IRAK1BP1: variants seen among roughly 807,000 people sequenced by gnomAD.
IRAK1BP1 encodes interleukin 1 receptor associated kinase 1 binding protein 1.
In IRAK1BP1, 24 loss-of-function variants were observed where a neutral mutation model predicts 28.0. That is an observed-to-expected ratio of 0.86 (90% CI 0.62 to 1.20). IRAK1BP1 has a LOEUF of 1.20. Ranked by LOEUF, IRAK1BP1 falls within the 50% of genes most tolerant of loss-of-function variation. The pLI, the probability that IRAK1BP1 is intolerant of heterozygous loss-of-function variation, is 0.00. For synonymous variants in IRAK1BP1, 131 were observed against 116.3 expected, an observed-to-expected ratio of 1.13 and a Z score of -0.81; for missense variants, 336 against 316.7, an observed-to-expected ratio of 1.06 and a Z score of -0.46.
chr6:78,925,241 G>A (rs145279261), intron 4 of IRAK1BP1, among the ~76,000 whole-genome samples: 5 of 151,924 alleles, frequency 3.3e-5, no homozygotes, highest in South Asian at 4.2e-4. Flanking sequence ...TAGTGGGTAC[G>A]GCACACCAAC....
At chr6:78,951,051 T>C (rs1477186721), downstream of IRAK1BP1, among the ~76,000 whole-genome samples, 3 of 152,180 alleles carry the variant, frequency 2.0e-5, no homozygotes, top group Admixed American at 6.5e-5. Flanking sequence ...TTTGTTTTAA[T>C]TGAGTTCAAT....
At chr6:78,978,152 A>AT in the IRAK1BP1 span, among the ~76,000 whole-genome samples, 5 of 152,250 alleles carry the variant, frequency 3.3e-5, no homozygotes, top group Admixed American at 6.5e-5. Flanking sequence ...AAGATTATAG[A>AT]TTTTTTAAAG....
the IRAK1BP1 span, chr6:78,957,765 C>T: frequency 1.2e-4 from 18 of 152,040 alleles, no homozygotes; most frequent in African/African-American, 4.3e-4. Context: ...TCTCTGCCTT[C>T]AACTTAGGAG....
chr6:78,909,116 C>T (rs926186169), intron 4 of IRAK1BP1, among the ~76,000 whole-genome samples: 1 of 152,186 alleles, frequency 6.6e-6, no homozygotes, highest in Non-Finnish European at 1.5e-5. Flanking sequence ...TTTAAGATGG[C>T]GAAGCAAGCA....
At chr6:78,890,277 G>A (rs1482860939) in intron 2 of IRAK1BP1, among the ~76,000 whole-genome samples, 2 of 151,746 alleles carry the variant, frequency 1.3e-5, no homozygotes, top group Non-Finnish European at 2.9e-5. Flanking sequence ...TCAGGGGGTG[G>A]GGGGCTAGGG....
At chr6:78,888,520 A>ATTTT (rs35503114) in intron 2 of IRAK1BP1, among the ~76,000 whole-genome samples, 2 of 143,860 alleles carry the variant, frequency 1.4e-5, no homozygotes, top group Admixed American at 6.9e-5. Flanking sequence ...TACAGCTCCA[A>ATTTT]TTTTTTTTTT....
intron 4 of IRAK1BP1, among the ~76,000 whole-genome samples, chr6:78,930,270 A>G (rs1562102274): frequency 6.6e-6 from 1 of 152,192 alleles, no homozygotes; most frequent in African/African-American, 2.4e-5. Flanking sequence ...CAGCTTGAAC[A>G]TAATTTCAAA....
intron 4 of IRAK1BP1, among the ~76,000 whole-genome samples, chr6:78,918,370 G>A (rs1177057317): frequency 6.6e-6 from 1 of 151,832 alleles, no homozygotes; most frequent in African/African-American, 2.4e-5. Flanking sequence ...AATGCAAATG[G>A]TCTAAATGCC....
chr6:78,899,037 C>T lies in IRAK1BP1; in HGVS notation c.*703C>T, dbSNP rs2127655513. ...GCACATTCTCATTGCTTCCCCTTGT[C>T]CCAGGTCCCATGGGGGCAAAATGAT... On this transcript the variant is annotated 3_prime_UTR_variant, in exon 4 of 4. Transcript: ENST00000369940. The T allele has an allele frequency of 6.6e-6, 1 of 152,282 alleles. No individual in the cohort carries two copies. The highest frequency in any genetic ancestry group is 1.9e-4 in the East Asian group (1 of 5,172). The allele number at this position is 152,282 out of a possible 1,614,324, so 9.4% of individuals were successfully genotyped here. A position where few individuals can be genotyped will look rare whatever the true frequency, so the allele number is the denominator to read the frequency against.
intron 2 of IRAK1BP1, among the ~76,000 whole-genome samples, chr6:78,893,248 G>A (rs537445515): frequency 3.0e-4 from 45 of 149,332 alleles, no homozygotes; most frequent in Non-Finnish European, 6.1e-4. Context: ...AGACAGTTGT[G>A]CCACATCTTT....
At chr6:78,946,366 T>TA in exon 5 of IRAK1BP1, 2 of 1,406,394 alleles carry the variant, frequency 1.4e-6, no homozygotes, top group Non-Finnish European at 1.9e-6. Context: ...TGAAATATGT[T>TA]AAAATATGAG....
rs557359134 is a variant in IRAK1BP1 at position 78,870,930 on chromosome 6, C to T, written c.315+3039C>T. Among the ~76,000 whole-genome samples, 8 of 152,066 alleles carry T rather than the reference C, an allele frequency of 5.3e-5. No homozygotes were observed. The South Asian group carries it at 1.0e-3, about 20-fold the overall frequency. On this transcript the variant is annotated intron_variant, in intron 1 of 3. Transcript: ENST00000369940. ...TTCACTGTGTTGGCCAGGCTGGTCT[C>T]GAACTCCTGACTGATCCCCCACCTC...
At position 78,898,265 on chromosome 6, in the gene IRAK1BP1, A is replaced by G. The variant is rs775684083; in HGVS notation, c.714A>G (p.Ile238Met). 44 of 1,612,320 alleles carry G rather than the reference A, an allele frequency of 2.7e-5. No homozygotes were observed. Among genetic ancestry groups the G allele is most frequent in the Admixed American group, 1.3e-4 (8 of 59,892 alleles). Residue 238 changes from isoleucine (I) to methionine (M), a missense_variant, in exon 4 of 4, where the codon ATA (isoleucine) becomes ATG (methionine). Ile to Met is a conservative substitution (Grantham distance 10, BLOSUM62 1). Coordinates refer to ENST00000369940, the MANE Select transcript of IRAK1BP1 (RefSeq NM_001010844.4). ...AACAAAAAATCAAAAGTGCAACAAT[A>G]CATGCTGCTTCAAAAGTATTTATAA... Reference protein sequence around the residue: ...TVQQKIKSATIHAASKVFITF... With the variant: ...TVQQKIKSATMHAASKVFITF...
In IRAK1BP1 at chr6:78,901,496, A is replaced by G. The variant is rs1349248558; in HGVS notation, c.*3162A>G. 1 of 151,960 alleles carries G rather than the reference A, an allele frequency of 6.6e-6. No homozygotes were observed. Among genetic ancestry groups the G allele is most frequent in the Non-Finnish European group, 1.5e-5 (1 of 67,948 alleles). The allele number at this position is 151,960 out of a possible 1,614,324, so 9.4% of individuals were successfully genotyped here. A position where few individuals can be genotyped will look rare whatever the true frequency, so the allele number is the denominator to read the frequency against. ...CTAGAATAAACCTATCCTAAACTTA[A>G]TCCTGTTAGAATTTCCTTCTTTTGA... On this transcript the variant is annotated 3_prime_UTR_variant, in exon 4 of 4. Transcript: ENST00000369940.
the IRAK1BP1 span, among the ~76,000 whole-genome samples, chr6:78,964,063 T>G: frequency 2.6e-5 from 4 of 152,334 alleles, no homozygotes; most frequent in African/African-American, 9.6e-5. Flanking sequence ...ACCAACTGGC[T>G]GCATTGCTAT....
the IRAK1BP1 span, among the ~76,000 whole-genome samples, chr6:78,953,956 A>G: frequency 2.0e-5 from 3 of 152,182 alleles, no homozygotes; most frequent in African/African-American, 7.2e-5. Context: ...TTAGATTGCT[A>G]TGATTGCACG....
chr6:78,894,242 C>T lies in IRAK1BP1; in HGVS notation c.382-3587C>T, dbSNP rs79066174. Among the ~76,000 whole-genome samples the T allele has an allele frequency of 3.4e-3, 514 of 152,178 alleles. 2 individuals are homozygous for T. The highest frequency in any genetic ancestry group is 0.011 in the African/African-American group (450 of 41,532). ...ACAAGACCACAGGTTTAAATTTACCCATGTCAATAATCACGTTAAATGTAA... is the reference window on the plus strand; with the variant it reads ...ACAAGACCACAGGTTTAAATTTACCTATGTCAATAATCACGTTAAATGTAA... On this transcript the variant is annotated intron_variant, in intron 2 of 3. Transcript: ENST00000369940.
At chr6:78,890,528 C>A (rs1287305932) in intron 2 of IRAK1BP1, among the ~76,000 whole-genome samples, 1 of 151,892 alleles carries the variant, frequency 6.6e-6, no homozygotes, top group African/African-American at 2.4e-5. Flanking sequence ...TTCAGTGGAC[C>A]CAGTGGGTGC....
At chr6:78,925,965 T>C (rs1413685122) in intron 4 of IRAK1BP1, among the ~76,000 whole-genome samples, 1 of 152,036 alleles carries the variant, frequency 6.6e-6, no homozygotes, top group Non-Finnish European at 1.5e-5. Flanking sequence ...TGTGTGTTCT[T>C]ATAAGCGGAA....
Sources: allele counts gnomAD v4.1 joint callset (sites outside exome capture counted in the v4.1 genomes callset), GRCh38; gene constraint gnomAD v4.1.1; transcripts MANE v1.5; gene names NCBI Gene and HGNC (gene_info 2026-07-23, HGNC 2026-07-21).